The following CACNA2D2 variants were observed in gnomAD, a reference collection of about 807,000 sequenced individuals.
The protein encoded by CACNA2D2 is voltage-dependent calcium channel subunit alpha-2/delta-2.
Under a neutral mutation model 166.4 loss-of-function variants are expected in CACNA2D2, and 48 were observed. That is an observed-to-expected ratio of 0.29 (90% CI 0.23 to 0.37). CACNA2D2 has a LOEUF of 0.37. CACNA2D2 is among the 10% of genes least tolerant of loss of function. The pLI is 1.00. For missense variants in CACNA2D2, 1,122 were observed against 1,433.0 expected, an observed-to-expected ratio of 0.78 and a Z score of 3.50; for synonymous variants, 561 against 573.7, an observed-to-expected ratio of 0.98 and a Z score of 0.32.
intron 4 of CACNA2D2, among the ~76,000 whole-genome samples, chr3:50,393,384 G>A (rs1029120153): frequency 6.6e-6 from 1 of 152,172 alleles, no homozygotes; most frequent in Non-Finnish European, 1.5e-5. Context: ...TTGGCACTGG[G>A]GCTTCCTTGA....
rs1343231590 is a variant in CACNA2D2, at chr3:50,380,230, A to G, written c.843-212T>C. Among the ~76,000 whole-genome samples, 1 of 152,240 alleles carries G rather than the reference A, an allele frequency of 6.6e-6. No homozygotes were observed. Among genetic ancestry groups the G allele is most frequent in the Non-Finnish European group, 1.5e-5 (1 of 68,054 alleles). On this transcript the variant is annotated intron_variant, in intron 8 of 37. Coordinates refer to ENST00000424201, the MANE Select transcript of CACNA2D2 (RefSeq NM_006030.4). The surrounding 1 kb of genome is among the most constrained non-coding windows in gnomAD (Gnocchi z 4.9). ...TCTGGTTCCTCAGCAAGGAAAAAGT[A>G]CCAGGGGGTATATGAGCAGGTGATC... is the stretch of plus-strand genomic sequence containing the variant.
intron 3 of CACNA2D2, among the ~76,000 whole-genome samples, chr3:50,424,752 C>G (rs1707727785): frequency 6.6e-6 from 1 of 152,202 alleles, no homozygotes; most frequent in Non-Finnish European, 1.5e-5. Context: ...CTGAGGCACC[C>G]AGTATCCCAG....
intron 2 of CACNA2D2, among the ~76,000 whole-genome samples, chr3:50,444,781 G>A (rs1034175665): frequency 6.6e-6 from 1 of 152,222 alleles, no homozygotes; most frequent in African/African-American, 2.4e-5. Context: ...TAAGGGTAGA[G>A]AGATGAAGGT....
chr3:50,394,876 G>A (rs1340692877), intron 3 of CACNA2D2, among the ~76,000 whole-genome samples: 2 of 152,250 alleles, frequency 1.3e-5, no homozygotes, highest in Non-Finnish European at 2.9e-5. Flanking sequence ...GCAGCTCACA[G>A]GCACAACCTC....
chr3:50,459,522 G>C (rs1709504621), intron 2 of CACNA2D2, among the ~76,000 whole-genome samples: 1 of 152,102 alleles, frequency 6.6e-6, no homozygotes, highest in Non-Finnish European at 1.5e-5. Flanking sequence ...TTCAGCCCTT[G>C]GCACTACAGG....
rs1399637742 is a variant in CACNA2D2 at position 50,379,002 on chromosome 3, G to T, written c.1261-9C>A. The stretch of plus-strand genomic sequence containing the variant: ...AAAGTAAACACGCGCACCTGTGGGG[G>T]GTTTGAGGTTACTGCTGTGGCCACC... On this transcript the variant is annotated splice_polypyrimidine_tract_variant and intron_variant, in intron 12 of 37. Coordinates refer to ENST00000424201, the MANE Select transcript of CACNA2D2 (RefSeq NM_006030.4). This position sits in a 1 kb window ranked among gnomAD's most constrained non-coding sequence, Gnocchi z 6.5. The T allele has an allele frequency of 4.3e-6, 7 of 1,613,812 alleles. No individual in the cohort carries two copies. The highest frequency in any genetic ancestry group is 3.3e-5 in the Admixed American group (2 of 59,996).
intron 3 of CACNA2D2, among the ~76,000 whole-genome samples, chr3:50,400,781 C>T (rs1342919909): frequency 1.3e-5 from 2 of 152,254 alleles, no homozygotes; most frequent in African/African-American, 2.4e-5. Context: ...CGCATCTACG[C>T]TGGACACACT....
Position 50,367,281 on chromosome 3 carries a change from C to T in CACNA2D2, c.2401+113G>A. The stretch of plus-strand genomic sequence containing the variant: ...CCTCTTTTCACGTCTGCCCTGGCCT[C>T]AGCCAGCCTTGTGTTGGAGAGGGGC... On this transcript the variant is annotated intron_variant, in intron 27 of 37. Transcript: ENST00000424201. The surrounding 1 kb of genome is among the most constrained non-coding windows in gnomAD (Gnocchi z 6.5). 1 of 1,121,002 alleles carries T rather than the reference C, an allele frequency of 8.9e-7. No homozygotes were observed. The highest frequency in any genetic ancestry group is 1.3e-6 in the Non-Finnish European group (1 of 752,350). 69.4% of individuals were successfully genotyped at this position (1,121,002 alleles called of 1,614,324 possible). A position where few individuals can be genotyped will look rare whatever the true frequency, so the allele number is the denominator to read the frequency against.
chr3:50,397,910 T>C (rs1191438056), intron 3 of CACNA2D2, among the ~76,000 whole-genome samples: 1 of 152,208 alleles, frequency 6.6e-6, no homozygotes. Context: ...TGGCCCAGGC[T>C]GAGCACCCAG....
chr3:50,400,782 T>C (rs74384502), intron 3 of CACNA2D2, among the ~76,000 whole-genome samples: 1 of 152,242 alleles, frequency 6.6e-6, no homozygotes. Context: ...GCATCTACGC[T>C]GGACACACTT....
At chr3:50,488,940 T>C (rs1273934450) in intron 1 of CACNA2D2, among the ~76,000 whole-genome samples, 2 of 152,096 alleles carry the variant, frequency 1.3e-5, no homozygotes, top group Admixed American at 1.3e-4. Flanking sequence ...GACCTTGTGA[T>C]CCGCCCACCT....
At chr3:50,382,121 G>A (rs947135203) in intron 6 of CACNA2D2, among the ~76,000 whole-genome samples, 9 of 152,064 alleles carry the variant, frequency 5.9e-5, no homozygotes, top group African/African-American at 1.7e-4. Context: ...CCCCCAACTC[G>A]GGGCGGCCTG....
chr3:50,365,629 C>T lies in CACNA2D2; in HGVS notation c.2971+4G>A, dbSNP rs987690008. 1.9e-6 allele frequency: 3 copies of T among 1,576,204 alleles called. No homozygotes were observed. Among genetic ancestry groups the T allele is most frequent in the Admixed American group, 1.9e-5 (1 of 52,912 alleles). On this transcript the variant is annotated splice_donor_region_variant and intron_variant, in intron 34 of 37. Transcript: ENST00000424201. This position sits in a 1 kb window ranked among gnomAD's most constrained non-coding sequence, Gnocchi z 4.5. ...TGAGGAGGCGCCTCCAAAGCCCTAC[C>T]TACCTGCTTGGAACCAGCTGTGGTA...
At position 50,494,018 on chromosome 3, in the gene CACNA2D2, G is replaced by C. The variant is rs559404942; in HGVS notation, c.206+9200C>G. On this transcript the variant is annotated intron_variant, in intron 1 of 37. Coordinates refer to ENST00000424201, the MANE Select transcript of CACNA2D2 (RefSeq NM_006030.4). Reference sequence around the variant, plus strand: ...GCCTCAGGGGCTAGCCAGGGAAGTGGGGCTCTGCCCATGGCAGGTTTCTGG... The same window carrying C: ...GCCTCAGGGGCTAGCCAGGGAAGTGCGGCTCTGCCCATGGCAGGTTTCTGG... Among the ~76,000 whole-genome samples, 1,029 of 152,322 alleles carry C rather than the reference G, an allele frequency of 6.8e-3. 19 individuals carry two copies. Among genetic ancestry groups the C allele is most frequent in the Non-Finnish European group, 3.9e-3 (267 of 68,026 alleles).
intron 2 of CACNA2D2, among the ~76,000 whole-genome samples, chr3:50,470,999 T>C (rs970328334): frequency 3.3e-5 from 5 of 152,020 alleles, no homozygotes; most frequent in African/African-American, 4.8e-5. Context: ...ATAATATATG[T>C]GGGTTTTTAG....
intron 2 of CACNA2D2, among the ~76,000 whole-genome samples, chr3:50,455,689 G>GC (rs1361264141): frequency 6.6e-6 from 1 of 152,104 alleles, no homozygotes; most frequent in Non-Finnish European, 1.5e-5. Flanking sequence ...TGTCCCCACA[G>GC]CCCCCAGATG....
At chr3:50,453,958 T>C (rs1709227583) in intron 2 of CACNA2D2, among the ~76,000 whole-genome samples, 1 of 152,080 alleles carries the variant, frequency 6.6e-6, no homozygotes, top group Non-Finnish European at 1.5e-5. Flanking sequence ...CCTGCATCTG[T>C]TCTGCCCTGC....
chr3:50,415,420 C>T (rs565590757), intron 3 of CACNA2D2, among the ~76,000 whole-genome samples: 2 of 152,332 alleles, frequency 1.3e-5, no homozygotes, highest in South Asian at 2.1e-4. Flanking sequence ...GCAGATTCAC[C>T]ATCTGTGCAA....
rs75999824 is a variant in CACNA2D2, at chr3:50,395,465, C to A, written c.406-1297G>T. On this transcript the variant is annotated intron_variant, in intron 3 of 37. Coordinates refer to ENST00000424201, the MANE Select transcript of CACNA2D2 (RefSeq NM_006030.4). The stretch of plus-strand genomic sequence containing the variant: ...GAGGTGGGTGGCTCTGGTCTCTCAC[C>A]CCCACCCCACCCTGTCCCACAGTGG... 6.9e-3 allele frequency among the ~76,000 whole-genome samples: 1,050 copies of A among 152,278 alleles called. 6 individuals carry two copies. The highest frequency in any genetic ancestry group is 0.024 in the African/African-American group (981 of 41,560).
Sources: gnomAD v4.1 joint callset for allele counts (sites outside exome capture counted in the v4.1 genomes callset) on GRCh38, gnomAD v4.1.1 for gene constraint, Gnocchi (gnomAD v3.1) non-coding constraint, MANE v1.5 for transcripts, NCBI Gene and HGNC (gene_info 2026-07-23, HGNC 2026-07-21) for gene names.